Variants in MAP2K4 observed in about 807,000 individuals in gnomAD.
The protein encoded by MAP2K4 is mitogen-activated protein kinase kinase 4.
MAP2K4 carries 4 observed loss-of-function variants against 48.5 expected under a neutral mutation model. The ratio of observed to expected loss-of-function variants is 0.08; its 90% CI spans 0.04 to 0.19. MAP2K4 has a LOEUF of 0.19. Ranked by LOEUF, MAP2K4 falls within the 10% of genes least tolerant of loss-of-function variation. MAP2K4 has a pLI of 1.00. For missense variants in MAP2K4, 258 were observed against 493.3 expected (o/e 0.52, Z 4.52); for synonymous variants, 166 against 173.1 (o/e 0.96, Z 0.32).
chr17:12,134,785 T>C (rs907122299), intron 9 of MAP2K4, among the ~76,000 whole-genome samples: 1 of 152,182 alleles, frequency 6.6e-6, no homozygotes, highest in Non-Finnish European at 1.5e-5. Context: ...CAGCAATACC[T>C]GAAGAGCAGA....
chr17:12,109,699 A>T (rs1972242251), intron 5 of MAP2K4, among the ~76,000 whole-genome samples: 1 of 152,240 alleles, frequency 6.6e-6, no homozygotes, highest in Admixed American at 6.5e-5. Context: ...GTGGATGATG[A>T]TGAGGAACTG....
rs1038368770 is a variant in MAP2K4 at position 12,128,133 on chromosome 17, A to G, written c.892-1006A>G. On this transcript the variant is annotated intron_variant, in intron 8 of 10. Transcript: ENST00000353533. ...CTCTCTGTCCCCCAGGCTGGAGTGC[A>G]GTGGCGCAATCTCGGCTCACTGCAA... Among the ~76,000 whole-genome samples the G allele has an allele frequency of 1.6e-4, 24 of 152,316 alleles. 1 individual carries two copies. The highest frequency in any genetic ancestry group is 5.5e-4 in the African/African-American group (23 of 41,582).
At chr17:12,072,249 T>C (rs1340186179) in intron 2 of MAP2K4, among the ~76,000 whole-genome samples, 4 of 152,188 alleles carry the variant, frequency 2.6e-5, no homozygotes, top group Non-Finnish European at 4.4e-5. Context: ...TTACTAGGAC[T>C]GTAGATCAGG....
rs557052995 is a variant in MAP2K4, at chr17:12,047,524, A to G, written c.116-7365A>G. Among the ~76,000 whole-genome samples the G allele has an allele frequency of 3.3e-5, 5 of 152,348 alleles. No individual in the cohort carries two copies. In the South Asian group the frequency reaches 1.0e-3, roughly 32 times the overall value. ...CAAAACTAGGCCGATTGGCACTGCT[A>G]GTCTATATTGATTTCCCTGGTTTCT... On this transcript the variant is annotated intron_variant, in intron 1 of 10. Transcript: ENST00000353533.
chr17:12,106,552 C>T (rs1972118757), intron 4 of MAP2K4, among the ~76,000 whole-genome samples: 1 of 152,016 alleles, frequency 6.6e-6, no homozygotes. Context: ...TTACTTTTAA[C>T]AGGCATTAAT....
At chr17:12,104,444 G>A (rs928038851) in intron 4 of MAP2K4, among the ~76,000 whole-genome samples, 5 of 152,128 alleles carry the variant, frequency 3.3e-5, no homozygotes, top group Non-Finnish European at 1.5e-5. Flanking sequence ...TACCTGGTGT[G>A]TACTAACATT....
At chr17:12,138,379 C>T (rs1037656240) in intron 9 of MAP2K4, among the ~76,000 whole-genome samples, 7 of 151,984 alleles carry the variant, frequency 4.6e-5, no homozygotes, top group African/African-American at 1.7e-4. Context: ...GTATTATATA[C>T]TGTATTATTA....
At chr17:12,070,303 T>A (rs187837458) in intron 2 of MAP2K4, among the ~76,000 whole-genome samples, 1 of 152,212 alleles carries the variant, frequency 6.6e-6, no homozygotes, top group East Asian at 1.9e-4. Flanking sequence ...AATTAGCTAT[T>A]ACTTGCTGAA....
chr17:12,137,673 G>A (rs1363426720), intron 9 of MAP2K4, among the ~76,000 whole-genome samples: 1 of 152,156 alleles, frequency 6.6e-6, no homozygotes, highest in East Asian at 1.9e-4. Context: ...AACTCTGAAA[G>A]TGGAGAAGCA....
At chr17:12,116,768 T>C (rs923429994) in intron 7 of MAP2K4, among the ~76,000 whole-genome samples, 3 of 152,188 alleles carry the variant, frequency 2.0e-5, no homozygotes, top group African/African-American at 7.2e-5. Flanking sequence ...TCCTATGATA[T>C]CAATGCCTTC....
At position 12,051,925 on chromosome 17, in the gene MAP2K4, T is replaced by TAAA. The variant is rs869236138; in HGVS notation, c.116-2954_116-2952dup. 2.7e-4 allele frequency among the ~76,000 whole-genome samples: 39 copies of TAAA among 144,446 alleles called. 1 individual carries two copies. Among genetic ancestry groups the TAAA allele is most frequent in the Middle Eastern group, 3.5e-3 (1 of 288 alleles). The allele number at this position is 144,446 out of a possible 152,430, so 94.8% of individuals were successfully genotyped here. On this transcript the variant is annotated intron_variant, in intron 1 of 10. Transcript: ENST00000353533. ...TGGGAGAGGAGAAGATGCCTTTTTT[T>TAAA]AAAAAAAAAAAAGCTCATGCCTCCA...
intron 1 of MAP2K4, among the ~76,000 whole-genome samples, chr17:12,042,816 G>A (rs1007446708): frequency 9.9e-5 from 15 of 152,226 alleles, no homozygotes; most frequent in Non-Finnish European, 2.1e-4. Flanking sequence ...GGGAGGCCGA[G>A]GTGGGCGGAT....
intron 4 of MAP2K4, among the ~76,000 whole-genome samples, chr17:12,095,895 TTG>T (rs71947375): frequency 0.042 from 6,152 of 147,178 alleles, 155 homozygotes; most frequent in Middle Eastern, 0.081. Context: ...ACACGTGTGT[TTG>T]TGTGTGTGTG....
At chr17:12,122,160 C>T (rs1385366117) in intron 7 of MAP2K4, among the ~76,000 whole-genome samples, 1 of 152,232 alleles carries the variant, frequency 6.6e-6, no homozygotes, top group African/African-American at 2.4e-5. Context: ...AATATCTCCA[C>T]AGGTAGCTAT....
chr17:12,044,290 G>A (rs1969888746), intron 1 of MAP2K4, among the ~76,000 whole-genome samples: 1 of 152,178 alleles, frequency 6.6e-6, no homozygotes, highest in African/African-American at 2.4e-5. Flanking sequence ...TGATTTTTCT[G>A]TCGTGAAAAG....
At chr17:12,115,153 G>T (rs988529510) in intron 7 of MAP2K4, among the ~76,000 whole-genome samples, 2 of 152,294 alleles carry the variant, frequency 1.3e-5, no homozygotes, top group African/African-American at 4.8e-5. Flanking sequence ...ATTAGATTGT[G>T]CAACATAAAA....
At chr17:12,132,563 G>A (rs1459866517) in intron 9 of MAP2K4, among the ~76,000 whole-genome samples, 6 of 151,896 alleles carry the variant, frequency 4.0e-5, no homozygotes, top group Non-Finnish European at 7.4e-5. Flanking sequence ...TCTGCACTTA[G>A]GAGTTGTGTT....
intron 1 of MAP2K4, among the ~76,000 whole-genome samples, chr17:12,049,924 T>G (rs1358552562): frequency 6.6e-6 from 1 of 152,110 alleles, no homozygotes; most frequent in Non-Finnish European, 1.5e-5. Flanking sequence ...ATCAAAAAGG[T>G]TATACTCTAG....
chr17:12,087,729 C>T lies in MAP2K4; in HGVS notation c.393+6199C>T, dbSNP rs898816007. 5.9e-5 allele frequency among the ~76,000 whole-genome samples: 9 copies of T among 151,930 alleles called. No individual in the cohort carries two copies. In the South Asian group the frequency reaches 8.3e-4, roughly 14 times the overall value. On this transcript the variant is annotated intron_variant, in intron 3 of 10. Coordinates refer to ENST00000353533, the MANE Select transcript of MAP2K4 (RefSeq NM_003010.4). ...AAGAATTAGCATTCTTTCTTCTGCC[C>T]GTAGTAAAATCATATATGCTTTCAC...
Sources: allele counts gnomAD v4.1 joint callset (sites outside exome capture counted in the v4.1 genomes callset), GRCh38; gene constraint gnomAD v4.1.1; transcripts MANE v1.5; gene names NCBI Gene and HGNC (gene_info 2026-07-23, HGNC 2026-07-21).